Variants in JCAD observed in about 807,000 individuals in gnomAD.
The protein encoded by JCAD is junctional cadherin 5-associated protein.
Under a neutral mutation model 98.0 loss-of-function variants are expected in JCAD, and 40 were observed. The observed-to-expected ratio is 0.41, with a 90% CI of 0.32 to 0.53. The LOEUF is 0.53. Among genes scored for constraint, JCAD ranks in the 20% least tolerant of loss-of-function variants. JCAD has a pLI of 0.31. For missense variants in JCAD, 1,705 were observed against 1,738.1 expected, an observed-to-expected ratio of 0.98 and a Z score of 0.34; for synonymous variants, 691 against 682.3, an observed-to-expected ratio of 1.01 and a Z score of -0.20.
intron 1 of JCAD, among the ~76,000 whole-genome samples, chr10:30,054,040 C>T (rs984429710): frequency 2.0e-5 from 3 of 152,106 alleles, no homozygotes; most frequent in African/African-American, 7.2e-5. Context: ...TCACCCTGAG[C>T]GACAATGAGG....
chr10:30,028,398 A>C lies in JCAD; in HGVS notation c.1750T>G (p.Ser584Ala), dbSNP rs775689983. ...TGTGATTCTGATTTCACTGGGATAGAAACCAAGCAAAATATAGTCTCGTTC... is the reference window on the plus strand; with the variant it reads ...TGTGATTCTGATTTCACTGGGATAGCAACCAAGCAAAATATAGTCTCGTTC... The part of the protein sequence containing the change: ...KMNETIFCLV[S>A]IPVKSESHLP... Residue 584 changes from serine to alanine, a missense_variant, in exon 3 of 4, where the codon TCT (serine) becomes GCT (alanine). Around this residue, in one of 3 missense-constraint regions of JCAD, gnomAD observed 1,278 missense variants for 1,243.1 expected, o/e 1.03. Coordinates refer to ENST00000375377, the MANE Select transcript of JCAD (RefSeq NM_020848.4). 28 of 1,614,110 alleles carry C rather than the reference A, an allele frequency of 1.7e-5. No individual in the cohort carries two copies. Among genetic ancestry groups the C allele is most frequent in the Non-Finnish European group, 2.4e-5 (28 of 1,180,056 alleles).
At chr10:30,021,726 A>C (rs1234758792) in intron 3 of JCAD, among the ~76,000 whole-genome samples, 1 of 152,222 alleles carries the variant, frequency 6.6e-6, no homozygotes, top group Non-Finnish European at 1.5e-5. Context: ...TCAAGTGCCC[A>C]GTAGCTGTAT....
chr10:30,083,388 G>C (rs985814437), intron 1 of JCAD, among the ~76,000 whole-genome samples: 8 of 152,150 alleles, frequency 5.3e-5, no homozygotes, highest in Non-Finnish European at 1.2e-4. Context: ...TCTATAAATA[G>C]TCACTCATGT....
chr10:30,093,084 T>C (rs1366263147), intron 1 of JCAD, among the ~76,000 whole-genome samples: 1 of 152,106 alleles, frequency 6.6e-6, no homozygotes, highest in Non-Finnish European at 1.5e-5. Context: ...AAAAAAAGAA[T>C]AGAATAGACT....
intron 2 of JCAD, among the ~76,000 whole-genome samples, chr10:30,066,989 C>G (rs1018417096): frequency 6.6e-6 from 1 of 151,876 alleles, no homozygotes; most frequent in African/African-American, 2.4e-5. Flanking sequence ...AGAGTGAGAC[C>G]CTGTTTCCAA....
intron 2 of JCAD, among the ~76,000 whole-genome samples, chr10:30,041,644 C>T (rs1285774326): frequency 6.6e-6 from 1 of 152,242 alleles, no homozygotes; most frequent in Non-Finnish European, 1.5e-5. Flanking sequence ...TTACAACTGC[C>T]GCTGATGACA....
At chr10:30,081,806 G>A (rs1237976855) in intron 1 of JCAD, among the ~76,000 whole-genome samples, 5 of 152,172 alleles carry the variant, frequency 3.3e-5, no homozygotes, top group Admixed American at 1.3e-4. Flanking sequence ...AAAGAAAACT[G>A]TGTCCCTGAG....
chr10:30,081,535 G>A (rs112103027), intron 1 of JCAD, among the ~76,000 whole-genome samples: 2,990 of 152,234 alleles, frequency 0.02, 54 homozygotes, highest in African/African-American at 0.049. Flanking sequence ...TGGTTCAAGC[G>A]ATTCTCATAC....
chr10:30,029,784 C>A lies in JCAD; in HGVS notation c.364G>T (p.Glu122Ter). Residue 122 changes from glutamate to a stop codon, truncating the protein, a stop_gained, in exon 3 of 4, where the codon GAA (glutamate) becomes TAA (stop). Coordinates refer to ENST00000375377, the MANE Select transcript of JCAD (RefSeq NM_020848.4). LOFTEE classifies it high-confidence loss of function. ...DQAYRRRGRQ[E>*]ARSQKPREHE... is the part of the protein sequence containing the mutation. ...TCCCTCGGCTTCTGGCTCCTGGCTTCTTGCCGTCCTCTTCTCCGGTAGGCT... is the reference window on the plus strand; with the variant it reads ...TCCCTCGGCTTCTGGCTCCTGGCTTATTGCCGTCCTCTTCTCCGGTAGGCT... 6.2e-7 allele frequency: 1 copy of A among 1,614,264 alleles called. No homozygotes were observed. The highest frequency in any genetic ancestry group is 8.5e-7 in the Non-Finnish European group (1 of 1,180,052).
At chr10:30,093,993 C>A (rs941062469) in intron 1 of JCAD, among the ~76,000 whole-genome samples, 1 of 152,168 alleles carries the variant, frequency 6.6e-6, no homozygotes, top group African/African-American at 2.4e-5. Context: ...GTCTTTGTTA[C>A]ATAACACTTT....
chr10:30,018,114 G>A (rs564791403), intron 3 of JCAD, among the ~76,000 whole-genome samples, 197 bp from the exon 4 acceptor site: 1 of 152,244 alleles, frequency 6.6e-6, no homozygotes, highest in East Asian at 1.9e-4. Context: ...AAAGAATTGT[G>A]CATAGTCATT....
At position 30,110,557 on chromosome 10, in the gene JCAD, C is replaced by T. The variant is rs562313697; in HGVS notation, n.128+4810G>A. 1.2e-4 allele frequency among the ~76,000 whole-genome samples: 18 copies of T among 151,354 alleles called. 2 individuals are homozygous for T. The South Asian group carries it at 1.9e-3, about 16-fold the overall frequency. ...GTATAGGACAGCTGATGTATGGACC[C>T]GCTGATGTATAGGCCAGTTGACATA... On this transcript the variant is annotated intron_variant and non_coding_transcript_variant, in intron 1 of 2. Transcript: ENST00000465712.
rs977605631 is a variant in JCAD, at chr10:30,028,550, T to C, written c.1598A>G (p.Gln533Arg). 1.2e-5 allele frequency: 20 copies of C among 1,614,144 alleles called. No homozygotes were observed. The highest frequency in any genetic ancestry group is 1.7e-5 in the Non-Finnish European group (20 of 1,180,056). Residue 533 changes from glutamine (Q) to arginine (R), a missense_variant, in exon 3 of 4, where the codon CAG becomes CGG. This residue lies in a region of JCAD where 1,278 missense variants were observed against 1,243.1 expected (regional missense o/e 1.03). Transcript: ENST00000375377. ...RGQWPDVRGS[Q>R]HGHTGRQVSS... ...AACTTGTCTTCCAGTGTGCCCGTGC[T>C]GGCTGCCTCTCACATCAGGCCACTG...
chr10:30,090,723 C>T (rs935960692), intron 1 of JCAD, among the ~76,000 whole-genome samples: 5 of 152,150 alleles, frequency 3.3e-5, no homozygotes, highest in African/African-American at 9.7e-5. Context: ...CTGTAGGGAA[C>T]GTGGTGCCTC....
At chr10:30,053,070 C>A (rs1207569158) in intron 1 of JCAD, among the ~76,000 whole-genome samples, 1 of 152,088 alleles carries the variant, frequency 6.6e-6, no homozygotes, top group Non-Finnish European at 1.5e-5. Flanking sequence ...CATGGTCACC[C>A]TCACCTGTAA....
At chr10:30,045,135 G>A (rs1021029200) in intron 2 of JCAD, among the ~76,000 whole-genome samples, 13 of 152,134 alleles carry the variant, frequency 8.5e-5, no homozygotes, top group Non-Finnish European at 1.5e-4. Flanking sequence ...TGATTATGCC[G>A]TAGTCCTCAG....
At position 30,111,222 on chromosome 10, in the gene JCAD, C is replaced by T. The variant is rs754490950; in HGVS notation, n.128+4145G>A. On this transcript the variant is annotated intron_variant and non_coding_transcript_variant, in intron 1 of 2. Coordinates refer to the JCAD transcript ENST00000465712. ...CTCACCTGTACACTGTTCCTCCTGGCCATTTGAGTGCCTGACAGCCCTTCG... is the reference window on the plus strand; with the variant it reads ...CTCACCTGTACACTGTTCCTCCTGGTCATTTGAGTGCCTGACAGCCCTTCG... 3.8e-4 allele frequency among the ~76,000 whole-genome samples: 58 copies of T among 152,352 alleles called. 1 individual carries two copies. The highest frequency in any genetic ancestry group is 6.5e-4 in the Non-Finnish European group (44 of 68,036).
Position 30,015,875 on chromosome 10 carries a change from G to C in JCAD, c.*2008C>G, listed in dbSNP as rs965467209. 14 of 152,124 alleles carry C rather than the reference G, an allele frequency of 9.2e-5. 1 individual carries two copies. Among genetic ancestry groups the C allele is most frequent in the Admixed American group, 9.2e-4 (14 of 15,264 alleles). 9.4% of individuals were successfully genotyped at this position (152,124 alleles called of 1,614,324 possible). A position where few individuals can be genotyped will look rare whatever the true frequency, so the allele number is the denominator to read the frequency against. ...AGGGAAGACCCCACAAAGACCTCCAGGCGCCTCAGCCCTTATTTGGTACTA... is the reference window on the plus strand; with the variant it reads ...AGGGAAGACCCCACAAAGACCTCCACGCGCCTCAGCCCTTATTTGGTACTA... On this transcript the variant is annotated 3_prime_UTR_variant, in exon 4 of 4. Transcript: ENST00000375377.
intron 2 of JCAD, among the ~76,000 whole-genome samples, chr10:30,040,131 C>T (rs12246513): frequency 0.054 from 8,167 of 152,208 alleles, 569 homozygotes; most frequent in African/African-American, 0.16. Context: ...TATTTCAGAT[C>T]GGCATTGTCT....
Sources: allele counts gnomAD v4.1 joint callset (sites outside exome capture counted in the v4.1 genomes callset), GRCh38; gene constraint gnomAD v4.1.1; regional missense constraint gnomAD v4.1.1; transcripts MANE v1.5; gene names NCBI Gene and HGNC (gene_info 2026-07-23, HGNC 2026-07-21).